Variants in BACE1 observed in about 807,000 individuals in gnomAD.
The protein encoded by BACE1 is APP beta-secretase.
Under a neutral mutation model 54.0 loss-of-function variants are expected in BACE1, and 21 were observed. The ratio of observed to expected loss-of-function variants is 0.39; its 90% CI spans 0.28 to 0.56. The LOEUF (loss-of-function observed/expected upper bound fraction) is 0.56, where lower values mean the gene tolerates loss of function less well. Among genes scored for constraint, BACE1 ranks in the 20% least tolerant of loss-of-function variants. The pLI is 0.63. For missense variants in BACE1, 511 were observed against 661.2 expected (o/e 0.77, Z 2.49); for synonymous variants, 232 against 260.9 (o/e 0.89, Z 1.07).
intron 1 of BACE1, among the ~76,000 whole-genome samples, chr11:117,303,629 A>T (rs552863369): frequency 1.3e-5 from 2 of 152,008 alleles, no homozygotes; most frequent in African/African-American, 4.8e-5. Context: ...AGAGATGGAG[A>T]CTCTTTCCAA....
chr11:117,292,091 AAATGTTTAT>A (rs1407856569), intron 5 of BACE1: 2 of 204,664 alleles, frequency 9.8e-6, no homozygotes, highest in African/African-American at 4.6e-5. Context: ...GGCACTTGGT[AAATGTTTAT>A]TCTTGTTAAT....
chr11:117,292,906 A>C (rs2034486226), intron 5 of BACE1, 148 bp downstream of exon 5: 5 of 904,306 alleles, frequency 5.5e-6, no homozygotes, highest in Non-Finnish European at 8.3e-6. Flanking sequence ...GTGACCATTA[A>C]GCCCCTGACT....
At chr11:117,289,870 C>A in intron 8 of BACE1, 63 bp from the exon 9 acceptor site, 1 of 1,477,284 alleles carries the variant, frequency 6.8e-7, no homozygotes, top group Non-Finnish European at 9.4e-7. Flanking sequence ...ACAAAAAGAA[C>A]TTCCTGATAG....
intron 5 of BACE1, chr11:117,292,479 T>C (rs1227294800): frequency 6.6e-6 from 1 of 152,310 alleles, no homozygotes; most frequent in Non-Finnish European, 1.5e-5. Flanking sequence ...CGGCCGCTTT[T>C]AACTTTTCTT....
chr11:117,293,660 T>C lies in BACE1; in HGVS notation c.705+211A>G, dbSNP rs1302444159. On this transcript the variant is annotated intron_variant, in intron 4 of 8. Transcript: ENST00000313005. The surrounding 1 kb of genome is among the most constrained non-coding windows in gnomAD (Gnocchi z 4.1). ...TGAAATTTTCCTAATTGCCTTCCTT[T>C]CCAAGTTTACCATAGGTGCCTTGAT... 6.7e-6 allele frequency: 3 copies of C among 448,730 alleles called. No individual in the cohort carries two copies. The highest frequency in any genetic ancestry group is 1.1e-5 in the Non-Finnish European group (3 of 274,654). 27.8% of individuals were successfully genotyped at this position (448,730 alleles called of 1,614,324 possible). A position where few individuals can be genotyped will look rare whatever the true frequency, so the allele number is the denominator to read the frequency against.
At chr11:117,310,707 C>T (rs954727414) in intron 1 of BACE1, among the ~76,000 whole-genome samples, 2 of 152,150 alleles carry the variant, frequency 1.3e-5, no homozygotes, top group African/African-American at 4.8e-5. Flanking sequence ...AGGCGTGAGC[C>T]ACTGCGCCTG....
intron 1 of BACE1, chr11:117,299,822 C>G (rs2034682777): frequency 7.5e-6 from 2 of 266,478 alleles, no homozygotes; most frequent in South Asian, 6.2e-5. Flanking sequence ...TCCCCATTCT[C>G]AGGACTCAGC....
At chr11:117,313,503 T>A (rs2035002333) in intron 1 of BACE1, among the ~76,000 whole-genome samples, 1 of 152,170 alleles carries the variant, frequency 6.6e-6, no homozygotes, top group Non-Finnish European at 1.5e-5. Flanking sequence ...GGTGCGATCT[T>A]GTCTCACTGC....
In BACE1 at chr11:117,293,179, C is replaced by A; in HGVS notation, c.715G>T (p.Gly239Cys). The change falls in exon 5 of 9, where the codon GGT becomes TGT. Residue 239 changes from glycine (G) to cysteine (C), a missense_variant. Transcript: ENST00000313005. The surrounding 1 kb of genome is among the most constrained non-coding windows in gnomAD (Gnocchi z 4.1). ...ASVGGSMIIG[G>C]IDHSLYTGSL... ...CCTGTGTACAGCGAGTGGTCGATACCTCCAATGATCTAGGGAAAAAAAGAG... is the reference window on the plus strand; with the variant it reads ...CCTGTGTACAGCGAGTGGTCGATACATCCAATGATCTAGGGAAAAAAAGAG... The A allele has an allele frequency of 6.2e-7, 1 of 1,613,626 alleles. No individual in the cohort carries two copies. The highest frequency in any genetic ancestry group is 8.5e-7 in the Non-Finnish European group (1 of 1,179,850).
In BACE1 at chr11:117,289,794, G is replaced by A. The variant is rs1027715447; in HGVS notation, c.1278C>T (p.Phe426=). ...AVSACHVHDE[F]RTAAVEGPFV... is the part of the protein sequence containing the mutation. ...AAGGGCCTTCCACCGCTGCCGTCCT[G>A]AACTCATCGTGCACTGGGGAGAGGG... The change falls in exon 9 of 9, where the codon TTC becomes TTT. Residue 426 remains phenylalanine (F), a synonymous_variant. Coordinates refer to ENST00000313005, the MANE Select transcript of BACE1 (RefSeq NM_012104.6). 1.9e-6 allele frequency: 3 copies of A among 1,613,852 alleles called. No individual in the cohort carries two copies. Among genetic ancestry groups the A allele is most frequent in the South Asian group, 1.1e-5 (1 of 91,080 alleles).
intron 1 of BACE1, among the ~76,000 whole-genome samples, chr11:117,299,065 C>T (rs1221624593): frequency 6.6e-6 from 1 of 152,184 alleles, no homozygotes; most frequent in Non-Finnish European, 1.5e-5. Context: ...CTCGGCCTCC[C>T]AAAGTGCTGA....
At chr11:117,310,682 A>G (rs553279542) in intron 1 of BACE1, among the ~76,000 whole-genome samples, 1 of 151,702 alleles carries the variant, frequency 6.6e-6, no homozygotes, top group Non-Finnish European at 1.5e-5. Context: ...CAGCCTCCCA[A>G]AGTGCTGGGA....
intron 8 of BACE1, 34 bp from the exon 9 acceptor site, chr11:117,289,841 C>T (rs1308196917): frequency 6.3e-7 from 1 of 1,590,290 alleles, no homozygotes; most frequent in South Asian, 1.1e-5. Flanking sequence ...GGACAGCTCT[C>T]ATTGTCATAG....
intron 2 of BACE1, 176 bp from the exon 3 acceptor site, chr11:117,295,523 C>G (rs1304416714): frequency 6.5e-7 from 1 of 1,535,840 alleles, no homozygotes; most frequent in Non-Finnish European, 8.7e-7. Context: ...GTAAAGTGGG[C>G]TTGCAGATAG....
chr11:117,311,276 C>T (rs656083), intron 1 of BACE1, among the ~76,000 whole-genome samples: 98,183 of 151,824 alleles, frequency 0.65, 31,848 homozygotes, highest in South Asian at 0.83. Flanking sequence ...CCAGGAGTTA[C>T]GATTGTGCCC....
intron 1 of BACE1, among the ~76,000 whole-genome samples, chr11:117,310,921 T>A (rs1268085083): frequency 1.3e-5 from 2 of 151,948 alleles, no homozygotes; most frequent in African/African-American, 4.8e-5. Flanking sequence ...ACCTGGCCAG[T>A]GGTTTAACCT....
intron 1 of BACE1, among the ~76,000 whole-genome samples, chr11:117,306,665 G>C (rs1022324841): frequency 1.3e-5 from 2 of 152,088 alleles, no homozygotes; most frequent in African/African-American, 4.8e-5. Flanking sequence ...ATATAAATTA[G>C]CCGGGTGTGG....
rs915139410 is a variant in BACE1, at chr11:117,289,402, C to T, written c.*164G>A. On this transcript the variant is annotated 3_prime_UTR_variant, in exon 9 of 9. Transcript: ENST00000313005. ...CTACAGGTACAGTCCCTGGAACCCA[C>T]CTTGCCAGCCTTTTCCTTCTCCATC... 6 of 1,243,072 alleles carry T rather than the reference C, an allele frequency of 4.8e-6. No homozygotes were observed. The South Asian group carries it at 7.9e-5, about 16-fold the overall frequency. 77.0% of individuals were successfully genotyped at this position (1,243,072 alleles called of 1,614,324 possible).
intron 1 of BACE1, among the ~76,000 whole-genome samples, chr11:117,302,415 C>A (rs1389570289): frequency 6.6e-6 from 1 of 152,182 alleles, no homozygotes; most frequent in Non-Finnish European, 1.5e-5. Context: ...CCTCAGATAT[C>A]TCAGTTCCCC....
Sources: allele counts gnomAD v4.1 joint callset (sites outside exome capture counted in the v4.1 genomes callset), GRCh38; gene constraint gnomAD v4.1.1; non-coding constraint Gnocchi (gnomAD v3.1); transcripts MANE v1.5; gene names NCBI Gene and HGNC (gene_info 2026-07-23, HGNC 2026-07-21).